ZRANB3: variants seen among roughly 807,000 people sequenced by gnomAD.
ZRANB3 encodes zinc finger RANBP2-type containing 3, also known as DNA annealing helicase and endonuclease ZRANB3.
In ZRANB3, 125 loss-of-function variants were observed where a neutral mutation model predicts 133.8. The observed-to-expected ratio is 0.93, with a 90% CI of 0.81 to 1.08. The LOEUF is 1.08. Ranked by LOEUF, ZRANB3 falls within the 50% of genes least tolerant of loss-of-function variation. ZRANB3 has a pLI of 0.00. For missense variants in ZRANB3, 1,229 were observed against 1,275.5 expected (o/e 0.96, Z 0.56); for synonymous variants, 387 against 432.7 (o/e 0.89, Z 1.31).
intron 8 of ZRANB3, among the ~76,000 whole-genome samples, chr2:135,305,244 G>A (rs1263230421): frequency 6.6e-6 from 1 of 152,214 alleles, no homozygotes; most frequent in East Asian, 1.9e-4. Context: ...ACAGGCGTGA[G>A]CCACTGTGCC....
At chr2:135,398,803 G>A (rs573339468) in intron 2 of ZRANB3, among the ~76,000 whole-genome samples, 71 of 152,246 alleles carry the variant, frequency 4.7e-4, no homozygotes, top group African/African-American at 7.0e-4. Context: ...GATTACAGGC[G>A]TGAGCCACTG....
Position 135,230,992 on chromosome 2 carries a change from G to A in ZRANB3, c.1540-65C>T, listed in dbSNP as rs536431102. ...TCTAATATGTTCTTCTTACATAAAA[G>A]AGCTTAACAAAATATTTTAATTAAC... On this transcript the variant is annotated intron_variant, in intron 12 of 20. Transcript: ENST00000264159. 32 of 1,419,492 alleles carry A rather than the reference G, an allele frequency of 2.3e-5. No homozygotes were observed. In the East Asian group the frequency reaches 4.8e-4, roughly 21 times the overall value. The allele number at this position is 1,419,492 out of a possible 1,614,324, so 87.9% of individuals were successfully genotyped here.
At chr2:135,392,832 T>C (rs1687302746) in intron 2 of ZRANB3, among the ~76,000 whole-genome samples, 1 of 151,678 alleles carries the variant, frequency 6.6e-6, no homozygotes, top group African/African-American at 2.4e-5. Flanking sequence ...TAAATGAAAA[T>C]GAAATTTCAT....
In ZRANB3 at chr2:135,230,964, C is replaced by T. The variant is rs192955546; in HGVS notation, c.1540-37G>A. On this transcript the variant is annotated intron_variant, in intron 12 of 20. Coordinates refer to ENST00000264159, the MANE Select transcript of ZRANB3 (RefSeq NM_032143.4). ...AAACAGTAGTTATCAAAGTAAGAAG[C>T]AATCTAATATGTTCTTCTTACATAA... 96 of 1,501,898 alleles carry T rather than the reference C, an allele frequency of 6.4e-5. No homozygotes were observed. In the African/African-American group the frequency reaches 1.1e-3, roughly 18 times the overall value. 93.0% of individuals were successfully genotyped at this position (1,501,898 alleles called of 1,614,324 possible). A position where few individuals can be genotyped will look rare whatever the true frequency, so the allele number is the denominator to read the frequency against.
intron 6 of ZRANB3, among the ~76,000 whole-genome samples, chr2:135,316,737 G>A (rs1428023855): frequency 2.0e-5 from 3 of 152,040 alleles, no homozygotes. Context: ...GGACGCCAAG[G>A]CGAGCAGATC....
rs112528714 is a variant in ZRANB3 at position 135,339,432 on chromosome 2, A to C, written c.677+6118T>G. On this transcript the variant is annotated intron_variant, in intron 6 of 20. Coordinates refer to ENST00000264159, the MANE Select transcript of ZRANB3 (RefSeq NM_032143.4). ...AAAAAAACAACAAAAAAAACAAAGA[A>C]TTAGCCAGACATGGTAGTGCATCCC... Among the ~76,000 whole-genome samples, 1,192 of 151,828 alleles carry C rather than the reference A, an allele frequency of 7.9e-3. 13 individuals are homozygous for C. Among genetic ancestry groups the C allele is most frequent in the African/African-American group, 0.027 (1,115 of 41,406 alleles).
intron 3 of ZRANB3, among the ~76,000 whole-genome samples, chr2:135,374,737 G>A (rs554050709): frequency 1.1e-4 from 16 of 152,116 alleles, no homozygotes; most frequent in Admixed American, 3.3e-4. Context: ...CTTGACCTCA[G>A]GTGATCTGGC....
intron 1 of ZRANB3, among the ~76,000 whole-genome samples, chr2:135,506,979 A>T (rs1356394027): frequency 6.6e-6 from 1 of 152,166 alleles, no homozygotes; most frequent in Non-Finnish European, 1.5e-5. Flanking sequence ...CCATAACAAA[A>T]CTTAGCAAGG....
chr2:135,240,222 G>T (rs571046914), intron 12 of ZRANB3, among the ~76,000 whole-genome samples: 12 of 152,212 alleles, frequency 7.9e-5, no homozygotes, highest in African/African-American at 2.6e-4. Context: ...TGCGCCTGTA[G>T]TCCTAGCTAC....
chr2:135,507,127 G>C (rs147693581), intron 1 of ZRANB3, among the ~76,000 whole-genome samples: 4 of 152,256 alleles, frequency 2.6e-5, no homozygotes, highest in Non-Finnish European at 5.9e-5. Context: ...AACAGCATCT[G>C]CTGATGCGGT....
chr2:135,343,099 C>G (rs1326083476), intron 6 of ZRANB3, among the ~76,000 whole-genome samples: 2 of 139,324 alleles, frequency 1.4e-5, no homozygotes, highest in African/African-American at 5.8e-5. Flanking sequence ...GGCAGGAGAA[C>G]TGCTTGAACC....
Position 135,347,175 on chromosome 2 carries a change from T to C in ZRANB3, c.592-1540A>G, listed in dbSNP as rs191839364. On this transcript the variant is annotated intron_variant, in intron 5 of 20. Transcript: ENST00000264159. ...TGTACGGCTATATCACATTTGTTTA[T>C]ACATTCGTCAACTGATGGGCATTTT... 1.6e-4 allele frequency among the ~76,000 whole-genome samples: 25 copies of C among 152,362 alleles called. 1 individual carries two copies. The highest frequency in any genetic ancestry group is 1.4e-3 in the Admixed American group (22 of 15,306).
chr2:135,274,789 T>C (rs1313112821), intron 9 of ZRANB3, among the ~76,000 whole-genome samples: 1 of 152,084 alleles, frequency 6.6e-6, no homozygotes, highest in Non-Finnish European at 1.5e-5. Flanking sequence ...GCAGTGTTTG[T>C]GTCCCTGGGT....
chr2:135,523,313 G>A (rs1694022087), intron 1 of ZRANB3, among the ~76,000 whole-genome samples: 1 of 151,960 alleles, frequency 6.6e-6, no homozygotes, highest in African/African-American at 2.4e-5. Context: ...CATCATCACC[G>A]CTCAACAGGA....
At chr2:135,320,900 A>C (rs1683492010) in intron 6 of ZRANB3, among the ~76,000 whole-genome samples, 1 of 152,220 alleles carries the variant, frequency 6.6e-6, no homozygotes, top group Non-Finnish European at 1.5e-5. Context: ...ATTATGCAGT[A>C]AGTAGCCTTT....
At chr2:135,454,907 A>C (rs1690430651) in intron 2 of ZRANB3, among the ~76,000 whole-genome samples, 1 of 152,100 alleles carries the variant, frequency 6.6e-6, no homozygotes. Flanking sequence ...GGTCTCTCTC[A>C]ATGCGCTACT....
At chr2:135,345,971 T>C (rs1341733022) in intron 5 of ZRANB3, among the ~76,000 whole-genome samples, 1 of 152,244 alleles carries the variant, frequency 6.6e-6, no homozygotes, top group East Asian at 1.9e-4. Flanking sequence ...AAACCTTATA[T>C]AGACAATAAA....
intron 3 of ZRANB3, among the ~76,000 whole-genome samples, chr2:135,373,578 A>G (rs934305513): frequency 5.3e-5 from 8 of 152,156 alleles, no homozygotes; most frequent in African/African-American, 1.9e-4. Flanking sequence ...ACTTGAGGCC[A>G]GGAGTTCGAG....
chr2:135,406,629 A>T (rs1331351749), intron 2 of ZRANB3, among the ~76,000 whole-genome samples: 1 of 152,210 alleles, frequency 6.6e-6, no homozygotes, highest in Non-Finnish European at 1.5e-5. Flanking sequence ...CACCATGATC[A>T]AGTGGGCTTC....
Sources: gnomAD v4.1 joint callset for allele counts (sites outside exome capture counted in the v4.1 genomes callset) on GRCh38, gnomAD v4.1.1 for gene constraint, MANE v1.5 for transcripts, NCBI Gene and HGNC (gene_info 2026-07-23, HGNC 2026-07-21) for gene names.